PXK: variants seen among roughly 807,000 people sequenced by gnomAD.
The protein encoded by PXK is PX domain-containing protein kinase-like protein.
Under a neutral mutation model 84.7 loss-of-function variants are expected in PXK, and 35 were observed. The observed-to-expected ratio is 0.41, with a 90% confidence interval of 0.32 to 0.55. The LOEUF (loss-of-function observed/expected upper bound fraction) is 0.55, where lower values mean the gene tolerates loss of function less well. Among genes scored for constraint, PXK ranks in the 20% least tolerant of loss-of-function variants. The pLI, the probability that PXK is intolerant of heterozygous loss-of-function variation, is 0.21. For synonymous variants in PXK, 253 were observed against 260.8 expected (o/e 0.97, Z 0.29); for missense variants, 634 against 699.7 (o/e 0.91, Z 1.06).
intron 1 of PXK, among the ~76,000 whole-genome samples, chr3:58,363,724 T>C (rs1422772331): frequency 6.6e-6 from 1 of 152,210 alleles, no homozygotes; most frequent in South Asian, 2.1e-4. Flanking sequence ...TTCCTTTTGA[T>C]CTATATGCCG....
At position 58,398,073 on chromosome 3, in the gene PXK, C is replaced by T. The variant is rs2057986047; in HGVS notation, c.1102+351C>T. 6.6e-6 allele frequency among the ~76,000 whole-genome samples: 1 copy of T among 152,146 alleles called. No homozygotes were observed. Among genetic ancestry groups the T allele is most frequent in the South Asian group, 2.1e-4 (1 of 4,838 alleles). On this transcript the variant is annotated intron_variant, in intron 11 of 17. Coordinates refer to ENST00000356151, the MANE Select transcript of PXK (RefSeq NM_017771.5). This position sits in a 1 kb window ranked among gnomAD's most constrained non-coding sequence, Gnocchi z 4.5. ...CAGTCTTGAGGACCCAGGCAGGTGTCAGACGTCAGATCAAGACTGAAGTGA... is the reference window on the plus strand; with the variant it reads ...CAGTCTTGAGGACCCAGGCAGGTGTTAGACGTCAGATCAAGACTGAAGTGA...
At chr3:58,387,646 T>C (rs749375390) in intron 4 of PXK, among the ~76,000 whole-genome samples, 3 of 152,098 alleles carry the variant, frequency 2.0e-5, no homozygotes, top group Non-Finnish European at 2.9e-5. Context: ...TGGCCAGTGC[T>C]CTGGGCAGAG....
chr3:58,425,739 C>A lies in PXK; in HGVS notation c.*779C>A, dbSNP rs1327799769. 6.6e-6 allele frequency: 1 copy of A among 152,170 alleles called. No homozygotes were observed. Among genetic ancestry groups the A allele is most frequent in the Non-Finnish European group, 1.5e-5 (1 of 68,016 alleles). 9.4% of individuals were successfully genotyped at this position (152,170 alleles called of 1,614,324 possible). ...TGAGGGGGGCAGGTCATTGTTACAACAGAAGTAAATTTGGCATCTATAGAA... is the reference window on the plus strand; with the variant it reads ...TGAGGGGGGCAGGTCATTGTTACAAAAGAAGTAAATTTGGCATCTATAGAA... On this transcript the variant is annotated 3_prime_UTR_variant, in exon 18 of 18. Coordinates refer to ENST00000356151, the MANE Select transcript of PXK (RefSeq NM_017771.5).
Position 58,391,657 on chromosome 3 carries a change from T to C in PXK, c.541-116T>C. The C allele has an allele frequency of 1.7e-5, 16 of 936,456 alleles. No individual in the cohort carries two copies. The South Asian group carries it at 2.2e-4, about 13-fold the overall frequency. The allele number at this position is 936,456 out of a possible 1,614,324, so 58.0% of individuals were successfully genotyped here. ...GGTCTTGAGGCAGCCAGACTTAGTG[T>C]TGTTTTCGTCTTTGGTTTCCAGTCA... On this transcript the variant is annotated intron_variant, in intron 6 of 17. Transcript: ENST00000356151.
At chr3:58,373,544 G>C (rs139321443) in intron 3 of PXK, among the ~76,000 whole-genome samples, 6 of 152,312 alleles carry the variant, frequency 3.9e-5, no homozygotes, top group African/African-American at 1.4e-4. Context: ...AGGGGGTTGA[G>C]ACAAATTGAG....
At chr3:58,356,596 G>A (rs2108221082) in intron 1 of PXK, among the ~76,000 whole-genome samples, 1 of 147,150 alleles carries the variant, frequency 6.8e-6, no homozygotes, top group East Asian at 1.9e-4. Context: ...GCAGTAGGCA[G>A]CTGTGTTTTT....
chr3:58,377,589 A>T (rs2108675200), intron 3 of PXK, among the ~76,000 whole-genome samples: 1 of 150,966 alleles, frequency 6.6e-6, no homozygotes, highest in Non-Finnish European at 1.5e-5. Context: ...GTACATAGTG[A>T]GACCCTATCT....
At chr3:58,413,274 C>G (rs1215318601) in intron 17 of PXK, 1 of 410,124 alleles carries the variant, frequency 2.4e-6, no homozygotes, top group Non-Finnish European at 4.5e-6. Flanking sequence ...ACATGCTTAG[C>G]TGAACAACAC....
In PXK at chr3:58,395,747, G is replaced by A. The variant is rs903726700; in HGVS notation, c.810G>A (p.Arg270=). The A allele has an allele frequency of 1.2e-6, 2 of 1,607,790 alleles. No homozygotes were observed. The highest frequency in any genetic ancestry group is 1.7e-6 in the Non-Finnish European group (2 of 1,174,646). Residue 270 remains arginine, a synonymous_variant, in exon 9 of 18, where the codon CGG becomes CGA. Transcript: ENST00000356151. ...TCCAGCAAATAAAAACATATGGACGGCAAATATTAGAGGTAAGAGGTACTT... is the reference window on the plus strand; with the variant it reads ...TCCAGCAAATAAAAACATATGGACGACAAATATTAGAGGTAAGAGGTACTT... ...LELQQIKTYG[R]QILEVLKFLH...
Position 58,397,631 on chromosome 3 carries a change from C to T in PXK, c.1011C>T (p.Cys337=), listed in dbSNP as rs777577054. Reference sequence around the variant, plus strand: ...CATTGGAAAGTGTGGATGTCCACTGCTTTGGCCACTTACTGTATGAAATGA... The same window carrying T: ...CATTGGAAAGTGTGGATGTCCACTGTTTTGGCCACTTACTGTATGAAATGA... The part of the protein sequence containing the change: ...INTLESVDVH[C]FGHLLYEMTY... The change falls in exon 11 of 18, where the codon TGC becomes TGT. Residue 337 remains cysteine, a synonymous_variant. Coordinates refer to ENST00000356151, the MANE Select transcript of PXK (RefSeq NM_017771.5). The surrounding 1 kb of genome is among the most constrained non-coding windows in gnomAD (Gnocchi z 4.7). 1 of 1,614,094 alleles carries T rather than the reference C, an allele frequency of 6.2e-7. No individual in the cohort carries two copies. Among genetic ancestry groups the T allele is most frequent in the Non-Finnish European group, 8.5e-7 (1 of 1,179,954 alleles).
intron 8 of PXK, 148 bp from the exon 9 acceptor site, chr3:58,395,510 C>T: frequency 1.6e-6 from 1 of 620,388 alleles, no homozygotes; most frequent in South Asian, 2.1e-5. Flanking sequence ...ATCAACAATG[C>T]AGACTGTCGT....
At chr3:58,375,249 G>C (rs1197225079) in intron 3 of PXK, among the ~76,000 whole-genome samples, 2 of 152,148 alleles carry the variant, frequency 1.3e-5, no homozygotes, top group Non-Finnish European at 2.9e-5. Flanking sequence ...CGGTAGTGCA[G>C]GCAAATCTGT....
chr3:58,419,108 T>C (rs911316520), intron 17 of PXK, among the ~76,000 whole-genome samples: 1 of 152,240 alleles, frequency 6.6e-6, no homozygotes, highest in Non-Finnish European at 1.5e-5. Flanking sequence ...CTAATGCTAA[T>C]AGGCTGAGTG....
chr3:58,409,613 C>T lies in PXK; in HGVS notation c.1390C>T (p.Arg464Ter), dbSNP rs1481243941. 1.9e-6 allele frequency: 3 copies of T among 1,610,950 alleles called. No homozygotes were observed. Among genetic ancestry groups the T allele is most frequent in the Admixed American group, 1.7e-5 (1 of 59,202 alleles). The change falls in exon 15 of 18, where the codon CGA becomes TGA. Residue 464 changes from arginine to a stop codon, truncating the protein, a stop_gained. Coordinates refer to ENST00000356151, the MANE Select transcript of PXK (RefSeq NM_017771.5). LOFTEE classifies it high-confidence loss of function. This position sits in a 1 kb window ranked among gnomAD's most constrained non-coding sequence, Gnocchi z 4.2. ...AAGAAAAAAAAGAAAGATTTTAGCT[C>T]GAAAGGTAAGCCTGCTGTCTCTCTG... Reference protein sequence around the residue: ...EERKKRKILARKKSKRSALEN... With the variant: ...EERKKRKILA
At chr3:58,417,282 A>G (rs535840487) in intron 17 of PXK, among the ~76,000 whole-genome samples, 2 of 152,338 alleles carry the variant, frequency 1.3e-5, no homozygotes, top group East Asian at 3.9e-4. Context: ...TTGCTCAGCA[A>G]TAGATCAGCA....
intron 2 of PXK, among the ~76,000 whole-genome samples, chr3:58,368,622 C>T (rs1009530555): frequency 6.6e-6 from 1 of 152,128 alleles, no homozygotes; most frequent in African/African-American, 2.4e-5. Context: ...GTGCCCAGCC[C>T]ATTTCTGAGG....
chr3:58,363,916 T>G (rs1339726819), intron 1 of PXK, among the ~76,000 whole-genome samples: 1 of 152,204 alleles, frequency 6.6e-6, no homozygotes, highest in African/African-American at 2.4e-5. Flanking sequence ...GTGTCCTCTA[T>G]TCCTATTTTT....
chr3:58,372,386 G>A (rs956881526), intron 3 of PXK, among the ~76,000 whole-genome samples: 61 of 151,912 alleles, frequency 4.0e-4, no homozygotes, highest in East Asian at 7.7e-4. Flanking sequence ...GCAGTGGCGC[G>A]ATCTTGGCTG....
Position 58,391,793 on chromosome 3 carries a change from G to C in PXK, c.561G>C (p.Lys187Asn), listed in dbSNP as rs771730300. Residue 187 changes from lysine (K) to asparagine (N), a missense_variant, in exon 7 of 18, where the codon AAG (lysine) becomes AAC (asparagine). Lys to Asn is a moderately conservative substitution (Grantham distance 94). This residue lies in a region of PXK where 353 missense variants were observed against 385.2 expected (regional missense o/e 0.92). Transcript: ENST00000356151. The part of the protein sequence containing the change: ...VLSWADLGPD[K>N]YLSDKDFQCL... ...TTCAGGCTGACCTTGGCCCAGACAAGTATTTGTCAGATAAAGATTTTCAGT... is the reference window on the plus strand; with the variant it reads ...TTCAGGCTGACCTTGGCCCAGACAACTATTTGTCAGATAAAGATTTTCAGT... The C allele has an allele frequency of 1.2e-6, 2 of 1,613,468 alleles. No homozygotes were observed. The highest frequency in any genetic ancestry group is 1.3e-5 in the African/African-American group (1 of 74,918).
Sources: gnomAD v4.1 joint callset for allele counts (sites outside exome capture counted in the v4.1 genomes callset) on GRCh38, gnomAD v4.1.1 for gene constraint, gnomAD v4.1.1 regional missense constraint, Gnocchi (gnomAD v3.1) non-coding constraint, MANE v1.5 for transcripts, NCBI Gene and HGNC (gene_info 2026-07-23, HGNC 2026-07-21) for gene names.